MAP2: variants seen among roughly 807,000 people sequenced by gnomAD.
The protein encoded by MAP2 is microtubule associated protein 2, also known as microtubule-associated protein 2.
MAP2 carries 14 observed loss-of-function variants against 137.6 expected under a neutral mutation model. The ratio of observed to expected loss-of-function variants is 0.10; its 90% CI spans 0.07 to 0.16. MAP2 has a LOEUF of 0.16. MAP2 is among the 10% of genes least tolerant of loss of function. MAP2 has a pLI of 1.00. For missense variants in MAP2, 2,088 were observed against 2,191.5 expected, an observed-to-expected ratio of 0.95 and a Z score of 0.94; for synonymous variants, 786 against 782.3, an observed-to-expected ratio of 1.00 and a Z score of -0.08.
intron 11 of MAP2, among the ~76,000 whole-genome samples, chr2:209,702,646 C>T (rs1283686202): frequency 1.3e-5 from 2 of 151,952 alleles, no homozygotes; most frequent in Admixed American, 6.6e-5. Flanking sequence ...GTTTGTTTAG[C>T]ATTAATAGTT....
intron 3 of MAP2, among the ~76,000 whole-genome samples, chr2:209,619,037 T>C (rs1367419541): frequency 6.6e-6 from 1 of 152,206 alleles, no homozygotes; most frequent in Admixed American, 6.6e-5. Flanking sequence ...GACATATTCC[T>C]CATGGTCTTA....
chr2:209,697,517 G>C lies in MAP2; in HGVS notation c.4522+466G>C, dbSNP rs971458813. ...ACCACCAAGAATGTGTAGTGATTTA[G>C]ATACTGAAAATGAAAAGCAAGCCAG... On this transcript the variant is annotated intron_variant, in intron 10 of 15. Coordinates refer to ENST00000682079, the MANE Select transcript of MAP2 (RefSeq NM_001375505.1). Among the ~76,000 whole-genome samples the C allele has an allele frequency of 3.3e-5, 5 of 151,850 alleles. No individual in the cohort carries two copies. In the East Asian group the frequency reaches 9.6e-4, roughly 29 times the overall value.
chr2:209,664,921 G>A (rs149061412), intron 5 of MAP2, among the ~76,000 whole-genome samples: 16 of 130,072 alleles, frequency 1.2e-4, no homozygotes, highest in Non-Finnish European at 1.5e-4. Context: ...CTGAGATCGC[G>A]CCCCTGCCCT....
intron 1 of MAP2, among the ~76,000 whole-genome samples, chr2:209,459,025 T>C (rs550276048): frequency 6.6e-6 from 1 of 152,344 alleles, no homozygotes; most frequent in South Asian, 2.1e-4. Flanking sequence ...TAAGGAAATA[T>C]AGATCAAGCT....
At chr2:209,729,819 T>C in intron 14 of MAP2, 31 bp from the exon 15 acceptor site, 8 of 1,425,438 alleles carry the variant, frequency 5.6e-6, no homozygotes, top group Non-Finnish European at 7.9e-6. Context: ...ATGCAAGATA[T>C]AGTTAAATCA....
At chr2:209,627,273 A>G (rs925544355) in intron 4 of MAP2, among the ~76,000 whole-genome samples, 1 of 152,154 alleles carries the variant, frequency 6.6e-6, no homozygotes, top group Admixed American at 6.5e-5. Context: ...TTCTAACACT[A>G]TAGCTAATTT....
At position 209,731,695 on chromosome 2, in the gene MAP2, A is replaced by C. The variant is rs2075797261; in HGVS notation, c.*1298A>C. 1 of 152,268 alleles carries C rather than the reference A, an allele frequency of 6.6e-6. No individual in the cohort carries two copies. Among genetic ancestry groups the C allele is most frequent in the African/African-American group, 2.4e-5 (1 of 41,326 alleles). 9.4% of individuals were successfully genotyped at this position (152,268 alleles called of 1,614,324 possible). ...ATAATAGTTTGAAACATGTTTTCTC[A>C]TTTTTCCAAATAGTATCTGTTTATT... On this transcript the variant is annotated 3_prime_UTR_variant, in exon 16 of 16. Coordinates refer to ENST00000682079, the MANE Select transcript of MAP2 (RefSeq NM_001375505.1).
chr2:209,539,456 A>T (rs1254433337), intron 2 of MAP2, among the ~76,000 whole-genome samples: 1 of 152,224 alleles, frequency 6.6e-6, no homozygotes, highest in East Asian at 1.9e-4. Flanking sequence ...GAAGAAAACA[A>T]TGAATAATCT....
rs959225676 is a variant in MAP2 at position 209,565,521 on chromosome 2, G to A, written c.-171-14515G>A. Reference sequence around the variant, plus strand: ...AGGCATTAGCCACTATTCCCAGACCGAAAATATCTATACATTACAGATTGA... The same window carrying A: ...AGGCATTAGCCACTATTCCCAGACCAAAAATATCTATACATTACAGATTGA... On this transcript the variant is annotated intron_variant, in intron 2 of 15. Transcript: ENST00000682079. Among the ~76,000 whole-genome samples, 17 of 152,206 alleles carry A rather than the reference G, an allele frequency of 1.1e-4. No individual in the cohort carries two copies. The South Asian group carries it at 2.1e-3, about 19-fold the overall frequency.
intron 2 of MAP2, among the ~76,000 whole-genome samples, chr2:209,518,445 G>A (rs2062824627): frequency 6.6e-6 from 1 of 152,004 alleles, no homozygotes. Context: ...CAGAAAGAAG[G>A]ACATTTCTTG....
intron 3 of MAP2, among the ~76,000 whole-genome samples, chr2:209,609,528 A>C (rs907253160): frequency 3.9e-5 from 6 of 152,154 alleles, no homozygotes; most frequent in Admixed American, 3.9e-4. Flanking sequence ...GACAACCTCT[A>C]ATCTACTCTC....
At chr2:209,705,994 G>A (rs1006516916) in intron 12 of MAP2, among the ~76,000 whole-genome samples, 1 of 151,876 alleles carries the variant, frequency 6.6e-6, no homozygotes, top group Non-Finnish European at 1.5e-5. Context: ...TTTTCTTTTT[G>A]CTTCAAATTT....
chr2:209,556,595 GA>G (rs983163951), intron 2 of MAP2, among the ~76,000 whole-genome samples: 1 of 147,056 alleles, frequency 6.8e-6, no homozygotes, highest in African/African-American at 2.5e-5. Context: ...ATGGGTGCCA[GA>G]TTTCAACCTG....
At chr2:209,615,241 G>A (rs1347954161) in intron 3 of MAP2, among the ~76,000 whole-genome samples, 1 of 152,184 alleles carries the variant, frequency 6.6e-6, no homozygotes, top group Non-Finnish European at 1.5e-5. Flanking sequence ...ATCTCTGTAT[G>A]TGGCTGCAGG....
intron 4 of MAP2, among the ~76,000 whole-genome samples, chr2:209,634,209 G>A (rs2093355642): frequency 6.6e-6 from 1 of 152,072 alleles, no homozygotes; most frequent in South Asian, 2.1e-4. Flanking sequence ...AATAAACTGG[G>A]GACAGTGACT....
In MAP2 at chr2:209,696,918, A is replaced by C. The variant is rs2060321973; in HGVS notation, c.4389A>C (p.Ala1463=). Residue 1463 remains alanine (A), a splice_region_variant and synonymous_variant, in exon 10 of 16, where the codon GCA becomes GCC. Transcript: ENST00000682079. ...CTTTTTGTGTTTTCTTATTCATAGCAGTTTATAAGAAGGCTGAACTTGCTA... is the reference window on the plus strand; with the variant it reads ...CTTTTTGTGTTTTCTTATTCATAGCCGTTTATAAGAAGGCTGAACTTGCTA... ...VSRDEVRRKK[A]VYKKAELAKK... 10 of 1,595,344 alleles carry C rather than the reference A, an allele frequency of 6.3e-6. No individual in the cohort carries two copies. Among genetic ancestry groups the C allele is most frequent in the Non-Finnish European group, 6.8e-6 (8 of 1,175,180 alleles).
intron 3 of MAP2, among the ~76,000 whole-genome samples, chr2:209,594,124 G>C (rs1450727627): frequency 1.0e-5 from 1 of 100,440 alleles, no homozygotes; most frequent in Non-Finnish European, 2.0e-5. Context: ...CTCCGGCCTC[G>C]GTAACAGATG....
rs951399118 is a variant in MAP2, at chr2:209,733,853, T to TA, written c.*3461dup. 6.6e-6 allele frequency: 1 copy of TA among 152,166 alleles called. No individual in the cohort carries two copies. The highest frequency in any genetic ancestry group is 6.6e-5 in the Admixed American group (1 of 15,234). 9.4% of individuals were successfully genotyped at this position (152,166 alleles called of 1,614,324 possible). On this transcript the variant is annotated 3_prime_UTR_variant, in exon 16 of 16. Coordinates refer to ENST00000682079, the MANE Select transcript of MAP2 (RefSeq NM_001375505.1). ...AACTCAGAAAATAAAATGTCAATCATAAAAATCTACTTCAACTTTAGCAAA... is the reference window on the plus strand; with the variant it reads ...AACTCAGAAAATAAAATGTCAATCATAAAAAATCTACTTCAACTTTAGCAAA...
intron 2 of MAP2, among the ~76,000 whole-genome samples, chr2:209,564,735 A>T (rs1247060462): frequency 6.6e-6 from 1 of 151,890 alleles, no homozygotes; most frequent in Non-Finnish European, 1.5e-5. Context: ...CCTTCTCATA[A>T]TCCTCACTTC....
Sources: gnomAD v4.1 joint callset for allele counts (sites outside exome capture counted in the v4.1 genomes callset) on GRCh38, gnomAD v4.1.1 for gene constraint, MANE v1.5 for transcripts, NCBI Gene and HGNC (gene_info 2026-07-23, HGNC 2026-07-21) for gene names.